WSCD2: variants seen among roughly 807,000 people sequenced by gnomAD.
The protein encoded by WSCD2 is sialate:O-sulfotransferase 2.
A neutral mutation model predicts 55.7 loss-of-function variants in WSCD2; 28 were observed. That is an observed-to-expected ratio of 0.50 (90% CI 0.37 to 0.69). The LOEUF is 0.69. Among genes scored for constraint, WSCD2 ranks in the 30% least tolerant of loss-of-function variants. WSCD2 has a pLI of 0.00. For missense variants in WSCD2, 616 were observed against 762.1 expected, an observed-to-expected ratio of 0.81 and a Z score of 2.26; for synonymous variants, 301 against 301.9, an observed-to-expected ratio of 1.00 and a Z score of 0.03.
At chr12:108,239,209 G>C (rs971882745) in intron 7 of WSCD2, among the ~76,000 whole-genome samples, 41 of 152,284 alleles carry the variant, frequency 2.7e-4, no homozygotes, top group African/African-American at 9.6e-4. Context: ...ATATGTGACA[G>C]ATTTCTTCCC....
At chr12:108,148,271 G>A (rs1185832067) in intron 1 of WSCD2, among the ~76,000 whole-genome samples, 3 of 152,252 alleles carry the variant, frequency 2.0e-5, no homozygotes, top group Admixed American at 6.5e-5. Context: ...CTGAGGTGGG[G>A]AAGGGGTGGC....
intron 2 of WSCD2, among the ~76,000 whole-genome samples, chr12:108,203,328 T>C (rs531451842): frequency 6.6e-6 from 1 of 152,320 alleles, no homozygotes; most frequent in Non-Finnish European, 1.5e-5. Context: ...TTCTATGCCT[T>C]GGCTAGTTTG....
chr12:108,130,479 T>C (rs763710346), intron 1 of WSCD2, among the ~76,000 whole-genome samples: 2 of 41,980 alleles, frequency 4.8e-5, no homozygotes, highest in Non-Finnish European at 1.5e-4. Flanking sequence ...TTCTGGGGTG[T>C]GTGTGTGTGT....
chr12:108,152,107 G>A (rs911699188), intron 1 of WSCD2, among the ~76,000 whole-genome samples: 3 of 152,178 alleles, frequency 2.0e-5, no homozygotes, highest in East Asian at 1.9e-4. Flanking sequence ...CCCGGGAAAC[G>A]CTCAGAGGAA....
At chr12:108,191,584 C>A (rs1346817628) in intron 1 of WSCD2, among the ~76,000 whole-genome samples, 3 of 152,314 alleles carry the variant, frequency 2.0e-5, no homozygotes, top group African/African-American at 4.8e-5. Flanking sequence ...AGTGTTTTGG[C>A]CAGTGTGTGA....
chr12:108,173,804 G>T lies in WSCD2; in HGVS notation c.-551-21478G>T, dbSNP rs965684599. Among the ~76,000 whole-genome samples the T allele has an allele frequency of 3.9e-4, 23 of 58,532 alleles. No homozygotes were observed. In the East Asian group the frequency reaches 0.025, roughly 64 times the overall value. 38.4% of individuals were successfully genotyped at this position (58,532 alleles called of 152,430 possible). A position where few individuals can be genotyped will look rare whatever the true frequency, so the allele number is the denominator to read the frequency against. On this transcript the variant is annotated intron_variant, in intron 1 of 8. Coordinates refer to ENST00000547525, the MANE Select transcript of WSCD2 (RefSeq NM_014653.4). ...AGCCATTGAGGCAGAGCTGATTCCT[G>T]GCTCTCTGTGTGTGTGTGTGTGTGT...
Position 108,248,285 on chromosome 12 carries a change from A to C in WSCD2, c.1640A>C (p.Asp547Ala). The C allele has an allele frequency of 6.2e-7, 1 of 1,614,190 alleles. No individual in the cohort carries two copies. Among genetic ancestry groups the C allele is most frequent in the Non-Finnish European group, 8.5e-7 (1 of 1,180,030 alleles). ...KTISAYIKMV[D>A]AALKGRNLTG... The stretch of plus-strand genomic sequence containing the variant: ...ATCTCTGCCTACATCAAGATGGTGG[A>C]TGCAGCCCTCAAAGGGCGGAACCTA... Residue 547 changes from aspartate (D) to alanine (A), a missense_variant, in exon 9 of 9, where the codon GAT (aspartate) becomes GCT (alanine). Asp to Ala is a moderately radical substitution (Grantham distance 126). Coordinates refer to ENST00000547525, the MANE Select transcript of WSCD2 (RefSeq NM_014653.4). This position sits in a 1 kb window ranked among gnomAD's most constrained non-coding sequence, Gnocchi z 4.3.
chr12:108,196,079 T>C lies in WSCD2; in HGVS notation c.247T>C (p.Ser83Pro), dbSNP rs368781045. ...AGGTTTCCGGGACACAGGTGAAGCC[T>C]CAAGCATTGCTCGCAGGTACGGACC... ...GRGFRDTGEASSIARRYGPWF... is the reference protein window; with the variant it reads ...GRGFRDTGEAPSIARRYGPWF... The change falls in exon 2 of 9, where the codon TCA becomes CCA. Residue 83 changes from serine to proline, a missense_variant. By Grantham distance (74) the Ser-to-Pro change is moderately conservative (BLOSUM62 -1). Coordinates refer to ENST00000547525, the MANE Select transcript of WSCD2 (RefSeq NM_014653.4). 82 of 1,614,126 alleles carry C rather than the reference T, an allele frequency of 5.1e-5. No individual in the cohort carries two copies. The African/African-American group carries it at 1.0e-3, about 20-fold the overall frequency.
intron 7 of WSCD2, among the ~76,000 whole-genome samples, chr12:108,238,732 G>A (rs1014395619): frequency 6.6e-6 from 1 of 152,196 alleles, no homozygotes; most frequent in Non-Finnish European, 1.5e-5. Context: ...AACACAGCCA[G>A]TATCTTGAAG....
At chr12:108,207,531 G>A (rs1885553166) in intron 3 of WSCD2, among the ~76,000 whole-genome samples, 1 of 126,216 alleles carries the variant, frequency 7.9e-6, no homozygotes, top group Admixed American at 8.1e-5. Flanking sequence ...CACCATGCCT[G>A]GCTTTTTTTT....
Position 108,195,886 on chromosome 12 carries a change from C to A in WSCD2, c.54C>A (p.Arg18=). 6.2e-7 allele frequency: 1 copy of A among 1,614,150 alleles called. No individual in the cohort carries two copies. Among genetic ancestry groups the A allele is most frequent in the Non-Finnish European group, 8.5e-7 (1 of 1,180,020 alleles). Reference sequence around the variant, plus strand: ...GGTACTTCCGCCGGAAACCTGTGCGCTTCTTTACCTTCCTGGCACTCTACC... The same window carrying A: ...GGTACTTCCGCCGGAAACCTGTGCGATTCTTTACCTTCCTGGCACTCTACC... ...FQRYFRRKPV[R]FFTFLALYLT... is the part of the protein sequence containing the mutation. The change falls in exon 2 of 9, where the codon CGC becomes CGA. Residue 18 remains arginine (R), a synonymous_variant. Transcript: ENST00000547525.
chr12:108,171,844 T>C (rs1034079849), intron 1 of WSCD2: 2 of 152,182 alleles, frequency 1.3e-5, no homozygotes, highest in African/African-American at 2.4e-5. Context: ...GGTAAATATT[T>C]GGGAAGAATT....
intron 1 of WSCD2, among the ~76,000 whole-genome samples, chr12:108,157,668 A>G (rs990623758): frequency 3.3e-5 from 5 of 152,188 alleles, no homozygotes; most frequent in Admixed American, 3.3e-4. Flanking sequence ...CACAGGCTGG[A>G]GCTGAGTGCA....
At chr12:108,156,419 C>T (rs1878517739) in intron 1 of WSCD2, among the ~76,000 whole-genome samples, 1 of 152,220 alleles carries the variant, frequency 6.6e-6, no homozygotes, top group South Asian at 2.1e-4. Context: ...TATCCATGTA[C>T]TGGCTGGTGC....
chr12:108,178,970 T>C (rs530524695), intron 1 of WSCD2, among the ~76,000 whole-genome samples: 1 of 152,330 alleles, frequency 6.6e-6, no homozygotes, highest in African/African-American at 2.4e-5. Flanking sequence ...CCACTTAACA[T>C]GTGCAATCTG....
At chr12:108,244,424 A>T in intron 8 of WSCD2, 1 of 685,970 alleles carries the variant, frequency 1.5e-6, no homozygotes, top group South Asian at 1.5e-5. Context: ...GACTAAAATG[A>T]TGGAGCATGT....
intron 7 of WSCD2, among the ~76,000 whole-genome samples, chr12:108,236,253 T>C (rs544993868): frequency 1.4e-4 from 21 of 152,190 alleles, no homozygotes; most frequent in Non-Finnish European, 2.6e-4. Context: ...GTGAGAAGCA[T>C]GTATCAGATG....
At chr12:108,150,081 T>C (rs1000709274) in intron 1 of WSCD2, among the ~76,000 whole-genome samples, 1 of 152,160 alleles carries the variant, frequency 6.6e-6, no homozygotes, top group Non-Finnish European at 1.5e-5. Flanking sequence ...GGGCATTTGC[T>C]AGGAGGACCT....
At chr12:108,214,873 T>C (rs1886645005) in intron 4 of WSCD2, among the ~76,000 whole-genome samples, 1 of 152,256 alleles carries the variant, frequency 6.6e-6, no homozygotes, top group African/African-American at 2.4e-5. Flanking sequence ...GGTTTTTGTG[T>C]ACTGTTGTTA....
Sources: allele counts gnomAD v4.1 joint callset (sites outside exome capture counted in the v4.1 genomes callset), GRCh38; gene constraint gnomAD v4.1.1; non-coding constraint Gnocchi (gnomAD v3.1); transcripts MANE v1.5; gene names NCBI Gene and HGNC (gene_info 2026-07-23, HGNC 2026-07-21).